The following LRBA variants were observed in gnomAD, a reference collection of about 807,000 sequenced individuals.
The protein encoded by LRBA is lipopolysaccharide-responsive and beige-like anchor protein.
A neutral mutation model predicts 330.0 loss-of-function variants in LRBA; 176 were observed. The observed-to-expected ratio is 0.53, with a 90% CI of 0.47 to 0.60. The LOEUF (loss-of-function observed/expected upper bound fraction) is 0.60. Ranked by LOEUF, LRBA falls within the 20% of genes least tolerant of loss-of-function variation. LRBA has a pLI of 0.00. For synonymous variants in LRBA, 1,230 were observed against 1,193.0 expected (o/e 1.03, Z -0.64); for missense variants, 3,259 against 3,444.8 (o/e 0.95, Z 1.35).
At chr4:150,715,468 A>G (rs1728066168) in intron 36 of LRBA, among the ~76,000 whole-genome samples, 1 of 152,218 alleles carries the variant, frequency 6.6e-6, no homozygotes, top group African/African-American at 2.4e-5. Flanking sequence ...TTAAATAAAA[A>G]CTGCAAAGAA....
intron 47 of LRBA, among the ~76,000 whole-genome samples, chr4:150,360,955 C>T (rs1738602657): frequency 6.6e-6 from 1 of 152,180 alleles, no homozygotes; most frequent in South Asian, 2.1e-4. Flanking sequence ...ATAAACTTTC[C>T]ATCCTTAAAG....
chr4:150,840,915 G>T (rs1428874286), intron 28 of LRBA: 1 of 1,087,126 alleles, frequency 9.2e-7, no homozygotes. Context: ...AAAAATTTTG[G>T]ATATAATCAG....
chr4:150,814,263 A>G (rs1285239136), intron 31 of LRBA, among the ~76,000 whole-genome samples: 1 of 152,112 alleles, frequency 6.6e-6, no homozygotes, highest in Non-Finnish European at 1.5e-5. Flanking sequence ...AGTTAAAAAA[A>G]TACTGACAAG....
chr4:150,818,445 C>A (rs936625258), intron 30 of LRBA, among the ~76,000 whole-genome samples: 1 of 151,792 alleles, frequency 6.6e-6, no homozygotes, highest in Non-Finnish European at 1.5e-5. Context: ...CCACCTGAGC[C>A]CCCAATCCAA....
chr4:150,325,856 GAGA>G lies in LRBA; in HGVS notation c.7402_7404del (p.Ser2468del). 1 of 1,613,530 alleles carries G rather than the reference GAGA, an allele frequency of 6.2e-7. No homozygotes were observed. Among genetic ancestry groups the G allele is most frequent in the Non-Finnish European group, 8.5e-7 (1 of 1,179,680 alleles). Reference sequence around the variant, plus strand: ...GGAGGATGGGGCTCTATGAGTAGTTGAGAAGGAGTCTGTCCAAAACTTCGGATT... The same window carrying G: ...GGAGGATGGGGCTCTATGAGTAGTTGAGGAGTCTGTCCAAAACTTCGGATT... On this transcript the variant is annotated inframe_deletion, in exon 49 of 57. Coordinates refer to ENST00000651943, the MANE Select transcript of LRBA (RefSeq NM_001364905.1).
At chr4:150,558,785 C>T (rs1375384023) in intron 40 of LRBA, among the ~76,000 whole-genome samples, 1 of 152,090 alleles carries the variant, frequency 6.6e-6, no homozygotes, top group Non-Finnish European at 1.5e-5. Context: ...TCTATGTATC[C>T]ATTTGTATTT....
chr4:150,753,321 A>G (rs750104627), intron 35 of LRBA, among the ~76,000 whole-genome samples: 16 of 152,242 alleles, frequency 1.1e-4, no homozygotes, highest in Non-Finnish European at 2.1e-4. Flanking sequence ...CCCAGAGCCA[A>G]GAATATGGAC....
In LRBA at chr4:150,779,301, C is replaced by T. The variant is rs186078849; in HGVS notation, c.5581-17454G>A. Among the ~76,000 whole-genome samples the T allele has an allele frequency of 5.8e-3, 874 of 151,970 alleles. 6 individuals carry two copies. The highest frequency in any genetic ancestry group is 0.02 in the African/African-American group (823 of 41,512). ...CCCAGCCAGAAATACATATGTGTTT[C>T]TTTTTAAATGTTTCTTTTTTATTCA... On this transcript the variant is annotated intron_variant, in intron 34 of 56. Transcript: ENST00000651943.
At chr4:150,582,861 G>T (rs1172371459) in intron 40 of LRBA, 1 of 648,820 alleles carries the variant, frequency 1.5e-6, no homozygotes, top group Non-Finnish European at 2.4e-6. Context: ...AAAACAAGCC[G>T]GCTACGGTAT....
In LRBA at chr4:150,266,238, A is replaced by G. The variant is rs182631214; in HGVS notation, c.8469-426T>C. 1.7e-3 allele frequency among the ~76,000 whole-genome samples: 259 copies of G among 152,334 alleles called. 2 individuals are homozygous for G. Among genetic ancestry groups the G allele is most frequent in the African/African-American group, 5.8e-3 (241 of 41,592 alleles). The stretch of plus-strand genomic sequence containing the variant: ...GGTGGAAAGAAGCAGCACACACTCA[A>G]GTGACAAGAGACACCACCTCTGACA... On this transcript the variant is annotated intron_variant, in intron 56 of 56. Transcript: ENST00000651943.
intron 37 of LRBA, among the ~76,000 whole-genome samples, chr4:150,602,518 T>C (rs1194988262): frequency 6.6e-6 from 1 of 152,122 alleles, no homozygotes; most frequent in Admixed American, 6.6e-5. Flanking sequence ...CAATGTTTTG[T>C]TTCCCTAAGT....
Position 150,748,392 on chromosome 4 carries a change from G to C in LRBA, c.5646-13026C>G, listed in dbSNP as rs1030605521. ...CATACAAAAGAATGAAATTGAGCCA[G>C]GCGCGGTAGCTCACGCCTGTAATCC... On this transcript the variant is annotated intron_variant, in intron 35 of 56. Coordinates refer to ENST00000651943, the MANE Select transcript of LRBA (RefSeq NM_001364905.1). Among the ~76,000 whole-genome samples, 4 of 152,188 alleles carry C rather than the reference G, an allele frequency of 2.6e-5. No homozygotes were observed. The East Asian group carries it at 7.7e-4, about 29-fold the overall frequency.
intron 53 of LRBA, among the ~76,000 whole-genome samples, chr4:150,297,847 T>A (rs1729158060): frequency 6.6e-6 from 1 of 152,182 alleles, no homozygotes; most frequent in Non-Finnish European, 1.5e-5. Context: ...AAAATATTTA[T>A]CGTACAGTTG....
intron 2 of LRBA, among the ~76,000 whole-genome samples, chr4:150,963,690 G>A (rs558741793): frequency 1.4e-4 from 21 of 147,698 alleles, no homozygotes; most frequent in East Asian, 9.8e-4. Context: ...CGCCCAGTCC[G>A]GGAAGTGAGG....
rs192153297 is a variant in LRBA, at chr4:150,833,985, C to A, written c.4570-2009G>T. 1.3e-5 allele frequency among the ~76,000 whole-genome samples: 2 copies of A among 152,272 alleles called. 1 individual carries two copies. Among genetic ancestry groups the A allele is most frequent in the Non-Finnish European group, 2.9e-5 (2 of 68,006 alleles). On this transcript the variant is annotated intron_variant, in intron 28 of 56. Transcript: ENST00000651943. ...GGATTCCATTGTAGGAAACCAATTT[C>A]TTTGATTATCCATAGGAAGCAACTC... is the stretch of plus-strand genomic sequence containing the variant.
chr4:150,893,381 C>T (rs1233262320), intron 16 of LRBA, among the ~76,000 whole-genome samples: 7 of 152,104 alleles, frequency 4.6e-5, no homozygotes, highest in Non-Finnish European at 1.0e-4. Context: ...GGCAGAGTCT[C>T]GCTCTCTCAC....
chr4:150,270,888 T>C (rs1467797955), intron 56 of LRBA, among the ~76,000 whole-genome samples: 1 of 152,212 alleles, frequency 6.6e-6, no homozygotes, highest in African/African-American at 2.4e-5. Context: ...TTTTATTTAC[T>C]GATAAAGATG....
chr4:151,006,689 A>T (rs755238971), intron 2 of LRBA, among the ~76,000 whole-genome samples: 1 of 152,194 alleles, frequency 6.6e-6, no homozygotes, highest in African/African-American at 2.4e-5. Flanking sequence ...TAATTCACAA[A>T]CAGGAAAAAA....
intron 34 of LRBA, among the ~76,000 whole-genome samples, chr4:150,788,881 C>T (rs1398651289): frequency 1.3e-5 from 2 of 152,102 alleles, no homozygotes; most frequent in Non-Finnish European, 2.9e-5. Flanking sequence ...TCGAGACCTG[C>T]CTGGCCAACA....
Sources: gnomAD v4.1 joint callset for allele counts (sites outside exome capture counted in the v4.1 genomes callset) on GRCh38, gnomAD v4.1.1 for gene constraint, MANE v1.5 for transcripts, NCBI Gene and HGNC (gene_info 2026-07-23, HGNC 2026-07-21) for gene names.